SDK1: variants seen among roughly 807,000 people sequenced by gnomAD.
SDK1 encodes the protein protein sidekick-1.
In SDK1, 157 loss-of-function variants were observed where a neutral mutation model predicts 245.5. That is an observed-to-expected ratio of 0.64 (90% CI 0.56 to 0.73). The LOEUF (loss-of-function observed/expected upper bound fraction) is 0.73, where lower values mean the gene tolerates loss of function less well. Ranked by LOEUF, SDK1 falls within the 30% of genes least tolerant of loss-of-function variation. The pLI is 0.00. For synonymous variants in SDK1, 1,647 were observed against 1,278.5 expected (o/e 1.29, Z -6.15); for missense variants, 3,583 against 3,002.3 (o/e 1.19, Z -4.52).
At chr7:3,563,019 G>C (rs1327753900) in intron 1 of SDK1, among the ~76,000 whole-genome samples, 1 of 151,374 alleles carries the variant, frequency 6.6e-6, no homozygotes, top group Non-Finnish European at 1.5e-5. Context: ...AAGTAACCCA[G>C]AGCTAAACTT....
rs189709131 is a variant in SDK1, at chr7:3,495,505, C to T, written c.299-123575C>T. On this transcript the variant is annotated intron_variant, in intron 1 of 44. Transcript: ENST00000404826. Reference sequence around the variant, plus strand: ...AACACCCAGCCTCAAGAGATCCTCCCGCCTCAGCCTCCCAAAGTGCTGGGA... The same window carrying T: ...AACACCCAGCCTCAAGAGATCCTCCTGCCTCAGCCTCCCAAAGTGCTGGGA... Among the ~76,000 whole-genome samples, 397 of 152,224 alleles carry T rather than the reference C, an allele frequency of 2.6e-3. 4 individuals are homozygous for T. The highest frequency in any genetic ancestry group is 8.5e-3 in the African/African-American group (354 of 41,542).
chr7:3,600,551 G>GTTT (rs368644982), intron 1 of SDK1, among the ~76,000 whole-genome samples: 1,235 of 108,922 alleles, frequency 0.011, 45 homozygotes, highest in Non-Finnish European at 0.014. Context: ...ATTAGATGTA[G>GTTT]TTTTTTTTTT....
At chr7:3,794,180 G>A (rs1187822098) in intron 4 of SDK1, among the ~76,000 whole-genome samples, 2 of 152,114 alleles carry the variant, frequency 1.3e-5, no homozygotes, top group East Asian at 1.9e-4. Flanking sequence ...GGAGAACGGC[G>A]TGAATGTGGA....
chr7:4,179,873 G>A (rs376504502), intron 35 of SDK1, among the ~76,000 whole-genome samples: 1 of 151,896 alleles, frequency 6.6e-6, no homozygotes, highest in Non-Finnish European at 1.5e-5. Flanking sequence ...GGGTCAGCCT[G>A]TGGCATCGGG....
At chr7:3,482,904 G>A (rs1481364828) in intron 1 of SDK1, among the ~76,000 whole-genome samples, 2 of 152,172 alleles carry the variant, frequency 1.3e-5, no homozygotes, top group East Asian at 1.9e-4. Flanking sequence ...CGTAATAAGT[G>A]CTAAGTAAAC....
intron 1 of SDK1, among the ~76,000 whole-genome samples, chr7:3,400,971 T>G (rs1192593155): frequency 6.6e-6 from 1 of 152,068 alleles, no homozygotes; most frequent in African/African-American, 2.4e-5. Flanking sequence ...AGGACAGTGA[T>G]GATGAGAAGG....
chr7:3,793,143 C>A (rs1454551005), intron 4 of SDK1, among the ~76,000 whole-genome samples: 3 of 152,052 alleles, frequency 2.0e-5, no homozygotes, highest in African/African-American at 7.2e-5. Flanking sequence ...ACCCAAATGT[C>A]CCTTTAAAAA....
intron 35 of SDK1, among the ~76,000 whole-genome samples, chr7:4,201,047 T>C (rs950567447): frequency 6.6e-6 from 1 of 152,198 alleles, no homozygotes; most frequent in African/African-American, 2.4e-5. Context: ...CTCAGACATC[T>C]GGGGTGCACT....
intron 1 of SDK1, among the ~76,000 whole-genome samples, chr7:3,325,948 G>T (rs1329083835): frequency 1.3e-5 from 2 of 152,072 alleles, no homozygotes; most frequent in African/African-American, 4.8e-5. Context: ...TCGCTTGGTT[G>T]TATCCAGGGT....
intron 25 of SDK1, among the ~76,000 whole-genome samples, chr7:4,124,390 G>A (rs754194879): frequency 2.2e-4 from 33 of 152,100 alleles, no homozygotes; most frequent in Non-Finnish European, 8.8e-5. Flanking sequence ...TCCGTGGCTC[G>A]GACAGCCTCT....
At chr7:3,691,623 G>C (rs1192126574) in intron 4 of SDK1, among the ~76,000 whole-genome samples, 1 of 103,672 alleles carries the variant, frequency 9.6e-6, no homozygotes, top group Non-Finnish European at 2.1e-5. Context: ...TATCTACCAT[G>C]ATGCATTGTG....
At chr7:3,679,895 C>T (rs996492567) in intron 4 of SDK1, among the ~76,000 whole-genome samples, 2 of 152,198 alleles carry the variant, frequency 1.3e-5, no homozygotes, top group African/African-American at 4.8e-5. Context: ...CTATCGGTCA[C>T]ACTTCTTAGC....
At chr7:3,438,470 C>T (rs1282142138) in intron 1 of SDK1, among the ~76,000 whole-genome samples, 1 of 152,186 alleles carries the variant, frequency 6.6e-6, no homozygotes, top group Non-Finnish European at 1.5e-5. Context: ...CTATTTCTGT[C>T]TTATCTGTGC....
Position 4,134,229 on chromosome 7 carries a change from G to C in SDK1, c.4228+1806G>C, listed in dbSNP as rs367566844. On this transcript the variant is annotated intron_variant, in intron 28 of 44. Coordinates refer to ENST00000404826, the MANE Select transcript of SDK1 (RefSeq NM_152744.4). ...CTTTATGTGATTTCTGGAGTTGCTA[G>C]ACAGAAGTGTTTGGCTTTGAGTACG... Among the ~76,000 whole-genome samples, 3 of 152,208 alleles carry C rather than the reference G, an allele frequency of 2.0e-5. No homozygotes were observed. The South Asian group carries it at 6.2e-4, about 32-fold the overall frequency.
rs1158759615 is a variant in SDK1 at position 4,157,462 on chromosome 7, G to C, written c.4626-986G>C. On this transcript the variant is annotated intron_variant, in intron 30 of 44. Transcript: ENST00000404826. The stretch of plus-strand genomic sequence containing the variant: ...AAAAGGAGGGAAGGGAGGTGGAAGG[G>C]AGAGAAGGAAGGAGGGAAGGAAGGG... Among the ~76,000 whole-genome samples the C allele has an allele frequency of 1.0e-4, 10 of 100,112 alleles. 2 individuals are homozygous for C. Among genetic ancestry groups the C allele is most frequent in the Non-Finnish European group, 2.0e-4 (10 of 50,128 alleles). 65.7% of individuals were successfully genotyped at this position (100,112 alleles called of 152,430 possible). A position where few individuals can be genotyped will look rare whatever the true frequency, so the allele number is the denominator to read the frequency against.
chr7:3,706,545 G>T (rs896194907), intron 4 of SDK1, among the ~76,000 whole-genome samples: 8 of 152,192 alleles, frequency 5.3e-5, no homozygotes, highest in African/African-American at 1.9e-4. Context: ...GGGACTACAG[G>T]TGCCCGCCAC....
At chr7:3,963,569 T>A (rs1391175909) in intron 9 of SDK1, among the ~76,000 whole-genome samples, 1 of 54,984 alleles carries the variant, frequency 1.8e-5, no homozygotes, top group African/African-American at 1.0e-4. Context: ...AGTGAGTACA[T>A]TCAGCCCCAT....
At chr7:3,973,686 G>A (rs1473350130) in intron 12 of SDK1, among the ~76,000 whole-genome samples, 1 of 152,012 alleles carries the variant, frequency 6.6e-6, no homozygotes, top group Admixed American at 6.6e-5. Flanking sequence ...GGGCAGGAAT[G>A]TTGGGTGCAG....
chr7:3,866,068 A>G (rs1018094191), intron 5 of SDK1, among the ~76,000 whole-genome samples: 1 of 152,178 alleles, frequency 6.6e-6, no homozygotes, highest in South Asian at 2.1e-4. Context: ...ACAGAATAAA[A>G]CATTATGAAT....
Sources: allele counts gnomAD v4.1 joint callset (sites outside exome capture counted in the v4.1 genomes callset), GRCh38; gene constraint gnomAD v4.1.1; transcripts MANE v1.5; gene names NCBI Gene and HGNC (gene_info 2026-07-23, HGNC 2026-07-21).